The following NTRK3 variants were observed in gnomAD, a reference collection of about 807,000 sequenced individuals.
NTRK3 encodes NT-3 growth factor receptor.
In NTRK3, 24 loss-of-function variants were observed where a neutral mutation model predicts 91.7. That is an observed-to-expected ratio of 0.26 (90% CI 0.19 to 0.37). The LOEUF (loss-of-function observed/expected upper bound fraction) is 0.37, where lower values mean the gene tolerates loss of function less well. NTRK3 is among the 10% of genes least tolerant of loss of function. The pLI is 1.00. For synonymous variants in NTRK3, 483 were observed against 404.0 expected, an observed-to-expected ratio of 1.20 and a Z score of -2.34; for missense variants, 880 against 1,068.9, an observed-to-expected ratio of 0.82 and a Z score of 2.46.
intron 13 of NTRK3, among the ~76,000 whole-genome samples, chr15:88,123,743 G>A (rs149944940): frequency 7.9e-4 from 121 of 152,278 alleles, no homozygotes; most frequent in African/African-American, 2.7e-3. Flanking sequence ...CCAAGTCATA[G>A]GCATATTCAA....
intron 17 of NTRK3, among the ~76,000 whole-genome samples, chr15:87,901,495 T>G (rs893542577): frequency 2.0e-5 from 3 of 152,194 alleles, no homozygotes; most frequent in Non-Finnish European, 4.4e-5. Context: ...TCATCTTAAT[T>G]TATCTGAAGC....
rs184752926 is a variant in NTRK3, at chr15:88,233,789, T to C, written c.248+22117A>G. Reference sequence around the variant, plus strand: ...TTGCTCCTCCTCCCCTGACATCCAGTGCTCCCCCTCCCTGCCTTGTCCAAG... The same window carrying C: ...TTGCTCCTCCTCCCCTGACATCCAGCGCTCCCCCTCCCTGCCTTGTCCAAG... On this transcript the variant is annotated intron_variant, in intron 3 of 18. Coordinates refer to ENST00000394480, the Ensembl canonical transcript of NTRK3. This position sits in a 1 kb window ranked among gnomAD's most constrained non-coding sequence, Gnocchi z 4.2. Among the ~76,000 whole-genome samples, 4,490 of 151,454 alleles carry C rather than the reference T, an allele frequency of 0.03. 202 individuals are homozygous for C. The highest frequency in any genetic ancestry group is 0.098 in the African/African-American group (4,022 of 40,972).
rs142461313 is a variant in NTRK3, at chr15:88,057,929, T to C, written c.1397-24884A>G. Among the ~76,000 whole-genome samples, 936 of 152,324 alleles carry C rather than the reference T, an allele frequency of 6.1e-3. 13 individuals are homozygous for C. The highest frequency in any genetic ancestry group is 0.041 in the Middle Eastern group (12 of 294). ...CGCTGGGAGATGCCTGCTGCCAGTA[T>C]GGGGCTGACACACCACTGACACAGT... is the stretch of plus-strand genomic sequence containing the variant. On this transcript the variant is annotated intron_variant, in intron 13 of 18. Coordinates refer to ENST00000394480, the Ensembl canonical transcript of NTRK3.
chr15:88,206,530 C>T (rs929071601), intron 3 of NTRK3, among the ~76,000 whole-genome samples: 3 of 150,554 alleles, frequency 2.0e-5, no homozygotes, highest in Non-Finnish European at 4.4e-5. Flanking sequence ...CGGTGGCGGG[C>T]GCCTGTAGTC....
chr15:88,037,881 G>C (rs912308065), intron 13 of NTRK3, among the ~76,000 whole-genome samples: 1 of 152,090 alleles, frequency 6.6e-6, no homozygotes, highest in Non-Finnish European at 1.5e-5. Context: ...TTTTAAAGAC[G>C]GGGGCATTAC....
intron 14 of NTRK3, among the ~76,000 whole-genome samples, chr15:87,948,485 C>G (rs2070787260): frequency 6.6e-6 from 1 of 152,144 alleles, no homozygotes; most frequent in Non-Finnish European, 1.5e-5. Context: ...GTCAGGAGTT[C>G]AAGACCAGCC....
At chr15:88,212,676 A>C (rs538661202) in intron 3 of NTRK3, among the ~76,000 whole-genome samples, 1 of 149,440 alleles carries the variant, frequency 6.7e-6, no homozygotes, top group Non-Finnish European at 1.5e-5. Context: ...TAGATACTTC[A>C]TGGAAGCTGT....
chr15:88,225,100 C>T (rs570803720), intron 3 of NTRK3, among the ~76,000 whole-genome samples: 6 of 152,220 alleles, frequency 3.9e-5, no homozygotes, highest in Admixed American at 1.3e-4. Context: ...TTTCTCACAG[C>T]GTGGTGGGTA....
At chr15:87,878,912 T>A (rs1470076253) in intron 18 of NTRK3, among the ~76,000 whole-genome samples, 1 of 35,004 alleles carries the variant, frequency 2.9e-5, no homozygotes, top group African/African-American at 7.8e-5. Context: ...GCATGGTGTG[T>A]GTGTGTGTGT....
At chr15:87,979,027 G>T in intron 14 of NTRK3, 2 of 455,010 alleles carry the variant, frequency 4.4e-6, no homozygotes, top group Non-Finnish European at 4.0e-6. Flanking sequence ...CAAGAGAATG[G>T]CTAGTGTATT....
intron 14 of NTRK3, among the ~76,000 whole-genome samples, chr15:88,000,544 C>G (rs1437753135): frequency 2.0e-5 from 3 of 152,180 alleles, no homozygotes; most frequent in East Asian, 1.9e-4. Flanking sequence ...GAAACAACCA[C>G]TAATCTACTT....
chr15:87,967,540 A>C (rs931555912), intron 14 of NTRK3, among the ~76,000 whole-genome samples: 2 of 152,156 alleles, frequency 1.3e-5, no homozygotes, highest in Admixed American at 1.3e-4. Context: ...GCACAATGAG[A>C]GCTACAGTGC....
intron 13 of NTRK3, among the ~76,000 whole-genome samples, chr15:88,044,296 T>TGGA (rs2079944578): frequency 6.8e-6 from 1 of 146,218 alleles, no homozygotes; most frequent in African/African-American, 2.6e-5. Flanking sequence ...AGTCTTGCTC[T>TGGA]GTTGCCCAAG....
chr15:88,168,047 G>A (rs992385082), intron 5 of NTRK3, among the ~76,000 whole-genome samples: 13 of 152,224 alleles, frequency 8.5e-5, no homozygotes, highest in Admixed American at 2.0e-4. Flanking sequence ...CCAAGATCTC[G>A]CAGCTGGTCA....
Position 88,171,751 on chromosome 15 carries a change from G to A in NTRK3, c.395+11667C>T, listed in dbSNP as rs1235600180. Among the ~76,000 whole-genome samples the A allele has an allele frequency of 3.3e-5, 5 of 152,102 alleles. No homozygotes were observed. In the South Asian group the frequency reaches 6.2e-4, roughly 19 times the overall value. ...AAAGAGTTGGCAAAGTCAAACTTGG[G>A]TTCACAGCCTAGTCTGCCCACCTTC... On this transcript the variant is annotated intron_variant, in intron 5 of 18. Transcript: ENST00000394480.
At chr15:88,078,612 T>C (rs2047769871) in intron 13 of NTRK3, among the ~76,000 whole-genome samples, 3 of 152,164 alleles carry the variant, frequency 2.0e-5, no homozygotes, top group Admixed American at 1.3e-4. Context: ...ATCGCACCAT[T>C]GCACTCCAGC....
intron 3 of NTRK3, among the ~76,000 whole-genome samples, chr15:88,201,344 C>T (rs890984008): frequency 2.0e-5 from 3 of 152,282 alleles, no homozygotes; most frequent in South Asian, 2.1e-4. Flanking sequence ...TACAAGTGTG[C>T]AGACACCTAC....
chr15:88,137,302 C>A (rs1281694700), intron 7 of NTRK3, 102 bp downstream of exon 7: 1 of 1,412,960 alleles, frequency 7.1e-7, no homozygotes, highest in East Asian at 2.4e-5. Context: ...GAGGGCGTTT[C>A]GAAAGGAAGG....
At chr15:88,048,122 ACTCC>A (rs1484838693) in intron 13 of NTRK3, among the ~76,000 whole-genome samples, 1 of 151,724 alleles carries the variant, frequency 6.6e-6, no homozygotes, top group Non-Finnish European at 1.5e-5. Context: ...TTGATTTTCC[ACTCC>A]CTCTTCTCCC....
Sources: gnomAD v4.1 joint callset for allele counts (sites outside exome capture counted in the v4.1 genomes callset) on GRCh38, gnomAD v4.1.1 for gene constraint, Gnocchi (gnomAD v3.1) non-coding constraint, MANE v1.5 for transcripts, NCBI Gene and HGNC (gene_info 2026-07-23, HGNC 2026-07-21) for gene names.